The following ANXA3 variants were observed in gnomAD, a reference collection of about 807,000 sequenced individuals.
The protein encoded by ANXA3 is annexin A3, also known as 35-alpha calcimedin.
ANXA3 carries 46 observed loss-of-function variants against 48.8 expected under a neutral mutation model. The ratio of observed to expected loss-of-function variants is 0.94; its 90% CI spans 0.74 to 1.21. The LOEUF is 1.21. Ranked by LOEUF, ANXA3 falls within the 50% of genes most tolerant of loss-of-function variation. The pLI is 0.00. For synonymous variants in ANXA3, 128 were observed against 134.7 expected, an observed-to-expected ratio of 0.95 and a Z score of 0.35; for missense variants, 383 against 378.6, an observed-to-expected ratio of 1.01 and a Z score of -0.10.
intron 12 of ANXA3, among the ~76,000 whole-genome samples, chr4:78,608,340 A>T (rs1412195755): frequency 6.6e-6 from 1 of 152,150 alleles, no homozygotes; most frequent in African/African-American, 2.4e-5. Context: ...GAACATTCTA[A>T]TAAAAGAAAT....
chr4:78,554,978 G>A (rs1211738037), intron 2 of ANXA3, among the ~76,000 whole-genome samples: 1 of 152,174 alleles, frequency 6.6e-6, no homozygotes, highest in African/African-American at 2.4e-5. Flanking sequence ...GGCCGAGGTG[G>A]GTGGATCACC....
chr4:78,591,612 A>G lies in ANXA3; in HGVS notation c.472A>G (p.Thr158Ala), dbSNP rs1434331114. Reference protein sequence around the residue: ...TSGDFRKALLTLADGRRDESL... With the variant: ...TSGDFRKALLALADGRRDESL... ...TGGTGACTTCCGGAAAGCTCTGTTGACTTTGGCAGATGTAAGGTTTTATTT... is the reference window on the plus strand; with the variant it reads ...TGGTGACTTCCGGAAAGCTCTGTTGGCTTTGGCAGATGTAAGGTTTTATTT... Residue 158 changes from threonine to alanine, a missense_variant, in exon 7 of 13, where the codon ACT becomes GCT. By Grantham distance (58) the Thr-to-Ala change is moderately conservative (BLOSUM62 0). Coordinates refer to ENST00000264908, the MANE Select transcript of ANXA3 (RefSeq NM_005139.3). 6.2e-7 allele frequency: 1 copy of G among 1,613,072 alleles called. No homozygotes were observed. Among genetic ancestry groups the G allele is most frequent in the Non-Finnish European group, 8.5e-7 (1 of 1,179,202 alleles).
intron 7 of ANXA3, among the ~76,000 whole-genome samples, chr4:78,592,175 C>T (rs974325156): frequency 2.6e-5 from 4 of 152,126 alleles, no homozygotes; most frequent in Middle Eastern, 3.2e-3. Context: ...CCTAATGAGG[C>T]CACACCTTGC....
intron 1 of ANXA3, chr4:78,554,175 G>A (rs1412650327): frequency 9.6e-6 from 3 of 312,130 alleles, no homozygotes; most frequent in African/African-American, 2.1e-5. Context: ...ATATTTGTAA[G>A]CATCTTAAGT....
intron 5 of ANXA3, among the ~76,000 whole-genome samples, chr4:78,583,469 T>C (rs1231659597): frequency 2.0e-5 from 3 of 146,516 alleles, no homozygotes; most frequent in African/African-American, 7.6e-5. Context: ...AAAAAATTTT[T>C]AAAAATTAGC....
At chr4:78,587,745 A>G (rs1723207175) in intron 6 of ANXA3, among the ~76,000 whole-genome samples, 1 of 152,190 alleles carries the variant, frequency 6.6e-6, no homozygotes. Flanking sequence ...TTGGGTTCTA[A>G]TCAGAAAAAC....
At chr4:78,580,879 C>T (rs772976354) in intron 4 of ANXA3, among the ~76,000 whole-genome samples, 1 of 152,174 alleles carries the variant, frequency 6.6e-6, no homozygotes, top group African/African-American at 2.4e-5. Flanking sequence ...GAGTGAATTG[C>T]CTAGCTTCAG....
chr4:78,593,041 G>A (rs1019807687), intron 7 of ANXA3, among the ~76,000 whole-genome samples: 1 of 150,774 alleles, frequency 6.6e-6, no homozygotes, highest in Non-Finnish European at 1.5e-5. Context: ...AATAATTCAG[G>A]CAATCCCGTG....
intron 2 of ANXA3, among the ~76,000 whole-genome samples, chr4:78,560,685 G>T (rs1722609254): frequency 1.3e-5 from 2 of 152,198 alleles, no homozygotes; most frequent in Admixed American, 1.3e-4. Flanking sequence ...GCTGACCAGA[G>T]TTGCAACCCT....
At chr4:78,574,843 A>G (rs576898389) in intron 3 of ANXA3, among the ~76,000 whole-genome samples, 2 of 152,198 alleles carry the variant, frequency 1.3e-5, no homozygotes, top group Non-Finnish European at 2.9e-5. Context: ...CTCATTGTGC[A>G]TATTTGCTAG....
intron 7 of ANXA3, among the ~76,000 whole-genome samples, chr4:78,594,404 G>A (rs543896174): frequency 4.6e-5 from 7 of 152,068 alleles, no homozygotes; most frequent in Non-Finnish European, 1.0e-4. Context: ...AATAGCGAGG[G>A]GTGCAATTGC....
intron 2 of ANXA3, among the ~76,000 whole-genome samples, chr4:78,561,409 T>G (rs1024807643): frequency 1.3e-5 from 2 of 152,130 alleles, no homozygotes; most frequent in African/African-American, 4.8e-5. Context: ...GGGAAGATAA[T>G]GCCTTTCAAA....
chr4:78,593,173 T>C (rs926270384), intron 7 of ANXA3, among the ~76,000 whole-genome samples: 2 of 149,990 alleles, frequency 1.3e-5, no homozygotes, highest in African/African-American at 4.9e-5. Flanking sequence ...ATAGAGCCTT[T>C]AATATCACAG....
intron 11 of ANXA3, chr4:78,602,866 T>A (rs1012549844): frequency 6.6e-6 from 1 of 152,444 alleles, no homozygotes; most frequent in African/African-American, 2.4e-5. Context: ...CTCCCCAGAC[T>A]TCTTGACTAT....
chr4:78,597,901 ACCACATCCAG>A (rs1723454601), intron 10 of ANXA3, among the ~76,000 whole-genome samples: 1 of 152,226 alleles, frequency 6.6e-6, no homozygotes, highest in African/African-American at 2.4e-5. Flanking sequence ...GGTGTGAGCT[ACCACATCCAG>A]CCATCTTTTT....
intron 2 of ANXA3, among the ~76,000 whole-genome samples, chr4:78,554,770 A>G (rs1722476453): frequency 6.6e-6 from 1 of 152,262 alleles, no homozygotes; most frequent in Admixed American, 6.5e-5. Context: ...GAAAAAGATG[A>G]CATATCAGAG....
Position 78,601,565 on chromosome 4 carries a change from G to A in ANXA3, c.786G>A (p.Leu262=). Residue 262 remains leucine, a synonymous_variant, in exon 11 of 13, where the codon TTG becomes TTA. Transcript: ENST00000264908. ...AFLAERLHRA[L]KGIGTDEFTL... Reference sequence around the variant, plus strand: ...TAGCCGAAAGACTGCATCGAGCCTTGAAGGTTGGTCTGGAAAGTTCATGTG... The same window carrying A: ...TAGCCGAAAGACTGCATCGAGCCTTAAAGGTTGGTCTGGAAAGTTCATGTG... 2.5e-6 allele frequency: 4 copies of A among 1,613,850 alleles called. No individual in the cohort carries two copies. The highest frequency in any genetic ancestry group is 3.4e-6 in the Non-Finnish European group (4 of 1,179,774).
chr4:78,560,183 GCATA>G (rs1485470197), intron 2 of ANXA3, among the ~76,000 whole-genome samples: 1 of 152,036 alleles, frequency 6.6e-6, no homozygotes, highest in African/African-American at 2.4e-5. Context: ...CTCCTAGTGG[GCATA>G]CTGGAATACA....
At chr4:78,588,096 A>G (rs1487441819) in intron 6 of ANXA3, among the ~76,000 whole-genome samples, 1 of 151,816 alleles carries the variant, frequency 6.6e-6, no homozygotes, top group Non-Finnish European at 1.5e-5. Flanking sequence ...ATTCCATCTC[A>G]AAAGAATTGC....
Sources: allele counts gnomAD v4.1 joint callset (sites outside exome capture counted in the v4.1 genomes callset), GRCh38; gene constraint gnomAD v4.1.1; transcripts MANE v1.5; gene names NCBI Gene and HGNC (gene_info 2026-07-23, HGNC 2026-07-21).